The following AKAP13 variants were observed in gnomAD, a reference collection of about 807,000 sequenced individuals.
AKAP13 encodes A-kinase anchoring protein 13.
In AKAP13, 80 loss-of-function variants were observed where a neutral mutation model predicts 264.5. The observed-to-expected ratio is 0.30, with a 90% confidence interval of 0.25 to 0.36. The LOEUF (loss-of-function observed/expected upper bound fraction) is 0.36. Ranked by LOEUF, AKAP13 falls within the 10% of genes least tolerant of loss-of-function variation. The pLI is 1.00. For synonymous variants in AKAP13, 1,380 were observed against 1,250.2 expected (o/e 1.10, Z -2.19); for missense variants, 3,712 against 3,435.2 (o/e 1.08, Z -2.01).
intron 1 of AKAP13, among the ~76,000 whole-genome samples, chr15:85,468,594 C>T (rs1045587033): frequency 1.3e-5 from 2 of 152,164 alleles, no homozygotes; most frequent in Non-Finnish European, 2.9e-5. Context: ...GTATCACTTT[C>T]AGATATTTTG....
rs1226284858 is a variant in AKAP13, at chr15:85,531,150, G to A, written c.182-2434G>A. Reference sequence around the variant, plus strand: ...TGCTGGGATTACAGCATGAGTCATCGCGCCTGGCCTAAGTCCTTCTTAATT... The same window carrying A: ...TGCTGGGATTACAGCATGAGTCATCACGCCTGGCCTAAGTCCTTCTTAATT... On this transcript the variant is annotated intron_variant, in intron 3 of 36. Coordinates refer to ENST00000394518, the MANE Select transcript of AKAP13 (RefSeq NM_007200.5). Among the ~76,000 whole-genome samples the A allele has an allele frequency of 2.0e-5, 3 of 152,152 alleles. No homozygotes were observed. In the East Asian group the frequency reaches 5.8e-4, roughly 29 times the overall value.
chr15:85,394,018 A>G (rs961468847), intron 1 of AKAP13, among the ~76,000 whole-genome samples: 4 of 152,368 alleles, frequency 2.6e-5, no homozygotes, highest in Admixed American at 2.0e-4. Flanking sequence ...CTTCACATAC[A>G]GAAGCTTTGT....
intron 1 of AKAP13, among the ~76,000 whole-genome samples, chr15:85,472,161 G>A (rs528658775): frequency 1.0e-3 from 151 of 151,462 alleles, no homozygotes; most frequent in Non-Finnish European, 1.8e-3. Flanking sequence ...TGAAGAATTG[G>A]TTAGATTAGA....
intron 1 of AKAP13, among the ~76,000 whole-genome samples, chr15:85,438,182 CAGAG>C (rs1190001219): frequency 2.1e-5 from 3 of 143,536 alleles, no homozygotes; most frequent in African/African-American, 5.6e-5. Context: ...AACAGACAAA[CAGAG>C]AGCCAAATCA....
At chr15:85,412,827 T>A (rs2072043426) in intron 1 of AKAP13, among the ~76,000 whole-genome samples, 1 of 152,244 alleles carries the variant, frequency 6.6e-6, no homozygotes, top group Non-Finnish European at 1.5e-5. Flanking sequence ...AATGCTGAGT[T>A]ATATTTATTG....
chr15:85,614,489 G>T (rs1302878403), intron 8 of AKAP13, among the ~76,000 whole-genome samples: 1 of 152,164 alleles, frequency 6.6e-6, no homozygotes, highest in African/African-American at 2.4e-5. Context: ...TGGCAGAGAA[G>T]TTGAGTCCGT....
At chr15:85,744,360 G>A (rs2089292936) in intron 36 of AKAP13, 3 of 443,032 alleles carry the variant, frequency 6.8e-6, no homozygotes, top group Non-Finnish European at 1.2e-5. Flanking sequence ...CTTTCTGTGT[G>A]GGAGGTTAAA....
chr15:85,534,013 A>G (rs984012587), intron 4 of AKAP13, 133 bp downstream of exon 4: 1 of 1,022,570 alleles, frequency 9.8e-7, no homozygotes, highest in Non-Finnish European at 1.4e-6. Flanking sequence ...GAATTACTGT[A>G]GGAAAGTGGC....
chr15:85,466,157 A>G (rs1355550936), intron 1 of AKAP13, among the ~76,000 whole-genome samples: 1 of 150,468 alleles, frequency 6.6e-6, no homozygotes, highest in East Asian at 1.9e-4. Context: ...TCTTCTTTTG[A>G]GAAGTGTCTG....
rs1329605464 is a variant in AKAP13, at chr15:85,746,285, T to TATTTA, written c.*1609_*1613dup. 2 of 152,638 alleles carry TATTTA rather than the reference T, an allele frequency of 1.3e-5. No individual in the cohort carries two copies. Among genetic ancestry groups the TATTTA allele is most frequent in the East Asian group, 1.9e-4 (1 of 5,186 alleles). The allele number at this position is 152,638 out of a possible 1,614,324, so 9.5% of individuals were successfully genotyped here. A position where few individuals can be genotyped will look rare whatever the true frequency, so the allele number is the denominator to read the frequency against. ...TAAAATTTGTAGCCTACATTTGTTT[T>TATTTA]ATTTATTGTATTTGTGTGTTTGTGT... is the stretch of plus-strand genomic sequence containing the variant. On this transcript the variant is annotated 3_prime_UTR_variant, in exon 37 of 37. Transcript: ENST00000394518.
At chr15:85,600,594 CA>C (rs369143954) in intron 8 of AKAP13, among the ~76,000 whole-genome samples, 1 of 152,194 alleles carries the variant, frequency 6.6e-6, no homozygotes, top group African/African-American at 2.4e-5. Context: ...ATTTTCACAA[CA>C]CAAATGTTCC....
At chr15:85,440,755 A>G (rs2073607459) in intron 1 of AKAP13, among the ~76,000 whole-genome samples, 1 of 152,214 alleles carries the variant, frequency 6.6e-6, no homozygotes, top group African/African-American at 2.4e-5. Flanking sequence ...TACTCTTGTC[A>G]TATATGCAGT....
At chr15:85,698,798 G>T (rs76424014) in intron 17 of AKAP13, among the ~76,000 whole-genome samples, 113 of 151,088 alleles carry the variant, frequency 7.5e-4, no homozygotes, top group Non-Finnish European at 1.5e-3. Context: ...ACAGAAATCA[G>T]CTGGGCATGG....
intron 10 of AKAP13, among the ~76,000 whole-genome samples, chr15:85,646,413 C>T (rs564118378): frequency 4.1e-4 from 62 of 152,108 alleles, no homozygotes; most frequent in Non-Finnish European, 7.6e-4. Flanking sequence ...GGTGGCAGAG[C>T]GAGACTCTGT....
chr15:85,683,313 G>T (rs2084705769), intron 15 of AKAP13, among the ~76,000 whole-genome samples: 1 of 152,170 alleles, frequency 6.6e-6, no homozygotes, highest in African/African-American at 2.4e-5. Flanking sequence ...TGCTGCTTCT[G>T]CCTGCCACCT....
intron 2 of AKAP13, among the ~76,000 whole-genome samples, chr15:85,511,348 TCTTAA>T (rs1466737613): frequency 1.3e-5 from 2 of 152,196 alleles, no homozygotes; most frequent in Non-Finnish European, 2.9e-5. Context: ...AGGTTTTAGT[TCTTAA>T]CTTAGTGCAG....
chr15:85,600,840 G>C (rs917427303), intron 8 of AKAP13, among the ~76,000 whole-genome samples: 1 of 152,184 alleles, frequency 6.6e-6, no homozygotes, highest in Non-Finnish European at 1.5e-5. Flanking sequence ...TTAGCATTGT[G>C]TCTGTGGCTC....
At chr15:85,472,064 T>C (rs112738349) in intron 1 of AKAP13, among the ~76,000 whole-genome samples, 114 of 152,282 alleles carry the variant, frequency 7.5e-4, no homozygotes, top group African/African-American at 2.6e-3. Flanking sequence ...ACACATTTCA[T>C]TAAATTTGTC....
intron 8 of AKAP13, among the ~76,000 whole-genome samples, chr15:85,605,194 GA>G (rs2151377539): frequency 6.6e-6 from 1 of 152,324 alleles, no homozygotes; most frequent in East Asian, 1.9e-4. Context: ...ATGCTTTCAT[GA>G]AACTTCGTCT....
Sources: allele counts gnomAD v4.1 joint callset (sites outside exome capture counted in the v4.1 genomes callset), GRCh38; gene constraint gnomAD v4.1.1; transcripts MANE v1.5; gene names NCBI Gene and HGNC (gene_info 2026-07-23, HGNC 2026-07-21).